Variants in AKR7A2 observed in about 807,000 individuals in gnomAD.
The protein encoded by AKR7A2 is aldo-keto reductase family 7 member A2, also known as aflatoxin B1 aldehyde reductase member 2.
A neutral mutation model predicts 37.3 loss-of-function variants in AKR7A2; 29 were observed. That is an observed-to-expected ratio of 0.78 (90% confidence interval 0.58 to 1.06). The LOEUF is 1.06. Ranked by LOEUF, AKR7A2 falls within the 50% of genes least tolerant of loss-of-function variation. The pLI is 0.00. For synonymous variants in AKR7A2, 228 were observed against 217.8 expected, an observed-to-expected ratio of 1.05 and a Z score of -0.41; for missense variants, 529 against 497.9, an observed-to-expected ratio of 1.06 and a Z score of -0.59.
rs111259968 is a variant in AKR7A2 at position 19,304,026 on chromosome 1, G to T, written c.*199C>A. On this transcript the variant is annotated 3_prime_UTR_variant, in exon 7 of 7. Transcript: ENST00000235835. ...GTCAAGTGCCTGCTTTATTCAACAG[G>T]AAGCGCTCAAGTGGGACTCACCCCC... is the stretch of plus-strand genomic sequence containing the variant. The T allele has an allele frequency of 8.3e-6, 7 of 847,890 alleles. No homozygotes were observed. Among genetic ancestry groups the T allele is most frequent in the Non-Finnish European group, 1.1e-5 (6 of 532,896 alleles). 52.5% of individuals were successfully genotyped at this position (847,890 alleles called of 1,614,324 possible).
intron 3 of AKR7A2, 24 bp downstream of exon 3, chr1:19,308,134 G>T: frequency 6.2e-7 from 1 of 1,613,726 alleles, no homozygotes; most frequent in Non-Finnish European, 8.5e-7. Flanking sequence ...TGGAGACCTT[G>T]GCCTCTGCAG....
In AKR7A2 at chr1:19,312,073, G is replaced by A. The variant is rs997069695; in HGVS notation, c.52C>T (p.Leu18Phe). The A allele has an allele frequency of 2.7e-5, 36 of 1,352,408 alleles. No homozygotes were observed. In the Admixed American group the frequency reaches 1.1e-3, roughly 42 times the overall value. 83.8% of individuals were successfully genotyped at this position (1,352,408 alleles called of 1,614,324 possible). A position where few individuals can be genotyped will look rare whatever the true frequency, so the allele number is the denominator to read the frequency against. ...VVSRAAVHCA[L>F]RSPPPEARAL... ...CGGGCCTCGGGCGGCGGAGAGCGAA[G>A]CGCGCAGTGGACGGCGGCGCGGGAG... Residue 18 changes from leucine to phenylalanine, a missense_variant, in exon 1 of 7, where the codon CTT (leucine) becomes TTT (phenylalanine). By Grantham distance (22) the Leu-to-Phe change is conservative. Coordinates refer to ENST00000235835, the MANE Select transcript of AKR7A2 (RefSeq NM_003689.4).
At position 19,308,440 on chromosome 1, in the gene AKR7A2, G is replaced by C. The variant is rs773476455; in HGVS notation, c.486+15C>G. The stretch of plus-strand genomic sequence containing the variant: ...GAGCAGGAGCCCACCTTTGGAGCTC[G>C]GAGGGCCCCCTCACCTCCTGGTGCA... On this transcript the variant is annotated intron_variant, in intron 2 of 6. Coordinates refer to ENST00000235835, the MANE Select transcript of AKR7A2 (RefSeq NM_003689.4). 1.9e-6 allele frequency: 3 copies of C among 1,612,794 alleles called. No individual in the cohort carries two copies. The East Asian group carries it at 6.7e-5, about 36-fold the overall frequency.
At chr1:19,305,695 G>C (rs185924566) in intron 6 of AKR7A2, among the ~76,000 whole-genome samples, 158 of 152,332 alleles carry the variant, frequency 1.0e-3, no homozygotes, top group Non-Finnish European at 2.1e-3. Flanking sequence ...AACCAAAAGG[G>C]TGAGATGGGT....
chr1:19,310,296 A>G (rs909806749), intron 1 of AKR7A2, among the ~76,000 whole-genome samples: 1 of 152,178 alleles, frequency 6.6e-6, no homozygotes, highest in Non-Finnish European at 1.5e-5. Flanking sequence ...ACTGTGCCTC[A>G]GGCCTGGCCT....
downstream of AKR7A2, among the ~76,000 whole-genome samples, chr1:19,303,254 A>C (rs1228389430): frequency 6.6e-6 from 1 of 152,214 alleles, no homozygotes. Context: ...GTGACAGAGC[A>C]AGAGCCTGTC....
At chr1:19,306,929 A>G in intron 5 of AKR7A2, 73 bp downstream of exon 5, 2 of 1,344,542 alleles carry the variant, frequency 1.5e-6, no homozygotes, top group East Asian at 2.3e-5. Context: ...TACCTCAGGA[A>G]CAGCCCAGGA....
rs576464259 is a variant in AKR7A2, at chr1:19,304,295, G to A, written c.1010C>T (p.Pro337Leu). The change falls in exon 7 of 7, where the codon CCG becomes CTG. Residue 337 changes from proline (P) to leucine (L), a missense_variant. Coordinates refer to ENST00000235835, the MANE Select transcript of AKR7A2 (RefSeq NM_003689.4). ...TTGATTAAAGGCATCCACGACAGCC[G>A]GCTCCAGGGGCCCTTCCTCTGTTGC... ...LAATEEGPLE[P>L]AVVDAFNQAW... 11 of 1,614,010 alleles carry A rather than the reference G, an allele frequency of 6.8e-6. No individual in the cohort carries two copies. Among genetic ancestry groups the A allele is most frequent in the South Asian group, 6.6e-5 (6 of 91,076 alleles).
rs147329121 is a variant in AKR7A2, at chr1:19,310,147, T to A, written c.299-1505A>T. On this transcript the variant is annotated intron_variant, in intron 1 of 6. Coordinates refer to ENST00000235835, the MANE Select transcript of AKR7A2 (RefSeq NM_003689.4). Reference sequence around the variant, plus strand: ...TTGGTTGGGGGATGGATTCTGCACTTTTCATACTTAGCAAAGTCAGCTCAG... The same window carrying A: ...TTGGTTGGGGGATGGATTCTGCACTATTCATACTTAGCAAAGTCAGCTCAG... Among the ~76,000 whole-genome samples the A allele has an allele frequency of 1.7e-3, 258 of 152,304 alleles. 2 individuals are homozygous for A. Among genetic ancestry groups the A allele is most frequent in the African/African-American group, 5.9e-3 (245 of 41,574 alleles).
At chr1:19,308,719 T>C in intron 1 of AKR7A2, 77 bp from the exon 2 acceptor site, 1 of 1,401,424 alleles carries the variant, frequency 7.1e-7, no homozygotes, top group Non-Finnish European at 1.0e-6. Context: ...AAATTACTAA[T>C]ATTCTCTTGG....
intron 3 of AKR7A2, 63 bp downstream of exon 3, chr1:19,308,095 C>T (rs761612307): frequency 1.2e-6 from 2 of 1,606,596 alleles, no homozygotes; most frequent in East Asian, 4.5e-5. Flanking sequence ...GTCAGGGGGG[C>T]AAAGAGAGCC....
rs79655192 is a variant in AKR7A2, at chr1:19,304,031, G to A, written c.*194C>T. 246 of 885,018 alleles carry A rather than the reference G, an allele frequency of 2.8e-4. 1 individual carries two copies. In the African/African-American group the frequency reaches 3.4e-3, roughly 12 times the overall value. The allele number at this position is 885,018 out of a possible 1,614,324, so 54.8% of individuals were successfully genotyped here. A position where few individuals can be genotyped will look rare whatever the true frequency, so the allele number is the denominator to read the frequency against. On this transcript the variant is annotated 3_prime_UTR_variant, in exon 7 of 7. Coordinates refer to ENST00000235835, the MANE Select transcript of AKR7A2 (RefSeq NM_003689.4). Reference sequence around the variant, plus strand: ...GTGCCTGCTTTATTCAACAGGAAGCGCTCAAGTGGGACTCACCCCCCACCT... The same window carrying A: ...GTGCCTGCTTTATTCAACAGGAAGCACTCAAGTGGGACTCACCCCCCACCT...
intron 4 of AKR7A2, 67 bp downstream of exon 4, chr1:19,307,247 T>C (rs1328720750): frequency 1.2e-6 from 2 of 1,608,370 alleles, no homozygotes; most frequent in African/African-American, 2.7e-5. Flanking sequence ...CCCTGCTTCA[T>C]AAATTCTGGG....
At chr1:19,304,751 CAG>C (rs1197888845) in intron 6 of AKR7A2, among the ~76,000 whole-genome samples, 2 of 152,068 alleles carry the variant, frequency 1.3e-5, no homozygotes, top group Admixed American at 6.6e-5. Flanking sequence ...GCCTGGGCAA[CAG>C]AGAGAGACTC....
intron 4 of AKR7A2, 22 bp from the exon 5 acceptor site, chr1:19,307,123 C>A: frequency 6.2e-7 from 1 of 1,613,440 alleles, no homozygotes; most frequent in East Asian, 2.2e-5. Context: ...CAGCAATCAG[C>A]CCCTGGCCCC....
In AKR7A2 at chr1:19,307,078, T is replaced by G; in HGVS notation, c.712A>C (p.Lys238Gln). Reference sequence around the variant, plus strand: ...TGTTTCCCGTCCTTGTCCTCATACTTGTACTTGCCAGTCAGCAGGCCCCCT... The same window carrying G: ...TGTTTCCCGTCCTTGTCCTCATACTGGTACTTGCCAGTCAGCAGGCCCCCT... ...LAGGLLTGKY[K>Q]YEDKDGKQPV... The change falls in exon 5 of 7, where the codon AAG (lysine) becomes CAG (glutamine). Residue 238 changes from lysine to glutamine, a missense_variant. Transcript: ENST00000235835. 7 of 1,614,242 alleles carry G rather than the reference T, an allele frequency of 4.3e-6. No homozygotes were observed. Among genetic ancestry groups the G allele is most frequent in the Non-Finnish European group, 5.9e-6 (7 of 1,180,040 alleles).
intron 6 of AKR7A2, 56 bp downstream of exon 6, chr1:19,305,962 G>A: frequency 1.9e-6 from 3 of 1,612,522 alleles, no homozygotes; most frequent in Non-Finnish European, 1.7e-6. Context: ...TTCACCTAAA[G>A]GTGACGCTGG....
chr1:19,307,967 A>G, intron 3 of AKR7A2, 191 bp downstream of exon 3: 2 of 710,730 alleles, frequency 2.8e-6, no homozygotes, highest in Non-Finnish European at 5.0e-6. Flanking sequence ...ATAGGCAGGA[A>G]GGAAGCAGAT....
intron 5 of AKR7A2, 45 bp downstream of exon 5, chr1:19,306,957 T>C (rs761375151): frequency 9.7e-6 from 15 of 1,553,236 alleles, no homozygotes; most frequent in East Asian, 4.5e-5. Context: ...CCACATAGAT[T>C]TGACCCCACC....
Sources: allele counts gnomAD v4.1 joint callset (sites outside exome capture counted in the v4.1 genomes callset), GRCh38; gene constraint gnomAD v4.1.1; transcripts MANE v1.5; gene names NCBI Gene and HGNC (gene_info 2026-07-23, HGNC 2026-07-21).